The following DCDC1 variants were observed in gnomAD, a reference collection of about 807,000 sequenced individuals.
DCDC1 encodes the protein doublecortin domain containing 1.
DCDC1 carries 200 observed loss-of-function variants against 178.3 expected under a neutral mutation model. The ratio of observed to expected loss-of-function variants is 1.12; its 90% CI spans 1.00 to 1.26. The LOEUF (loss-of-function observed/expected upper bound fraction) is 1.26, where lower values mean the gene tolerates loss of function less well. Among genes scored for constraint, DCDC1 ranks in the 50% most tolerant of loss-of-function variants. DCDC1 has a pLI of 0.00. For missense variants in DCDC1, 1,983 were observed against 1,749.2 expected (o/e 1.13, Z -2.38); for synonymous variants, 690 against 604.8 (o/e 1.14, Z -2.07).
intron 9 of DCDC1, among the ~76,000 whole-genome samples, chr11:31,237,744 G>A (rs1976629838): frequency 6.6e-6 from 1 of 151,932 alleles, no homozygotes; most frequent in South Asian, 2.1e-4. Flanking sequence ...AAGAAATATT[G>A]GAGAATACTT....
chr11:31,189,068 C>G (rs1969837655), intron 9 of DCDC1, among the ~76,000 whole-genome samples: 7 of 152,160 alleles, frequency 4.6e-5, no homozygotes. Flanking sequence ...GTGCCTTCAT[C>G]TGGTACTTCT....
In DCDC1 at chr11:31,137,683, T is replaced by C. The variant is rs1963321104; in HGVS notation, c.1314+9A>G. The C allele has an allele frequency of 4.3e-6, 3 of 702,124 alleles. No individual in the cohort carries two copies. Among genetic ancestry groups the C allele is most frequent in the Non-Finnish European group, 7.8e-6 (3 of 384,652 alleles). 43.5% of individuals were successfully genotyped at this position (702,124 alleles called of 1,614,324 possible). A position where few individuals can be genotyped will look rare whatever the true frequency, so the allele number is the denominator to read the frequency against. ...TTTTAAAATACAGTTTACAAAGTAATTTCCTTACTTCTTCCTGTTCCTTAT... is the reference window on the plus strand; with the variant it reads ...TTTTAAAATACAGTTTACAAAGTAACTTCCTTACTTCTTCCTGTTCCTTAT... On this transcript the variant is annotated intron_variant, in intron 10 of 38. Coordinates refer to ENST00000684477, the MANE Select transcript of DCDC1 (RefSeq NM_001387274.1).
intron 9 of DCDC1, among the ~76,000 whole-genome samples, chr11:31,182,411 G>T (rs534700585): frequency 1.4e-4 from 21 of 152,298 alleles, no homozygotes; most frequent in Admixed American, 1.2e-3. Flanking sequence ...AGAAGAGATT[G>T]GGGGCAAATA....
At chr11:31,303,488 A>G (rs1231719171) in intron 6 of DCDC1, among the ~76,000 whole-genome samples, 1 of 152,106 alleles carries the variant, frequency 6.6e-6, no homozygotes, top group Non-Finnish European at 1.5e-5. Flanking sequence ...GCTAGTTGGA[A>G]AATTATCGAT....
intron 9 of DCDC1, among the ~76,000 whole-genome samples, chr11:31,213,471 C>T (rs916995010): frequency 6.6e-6 from 1 of 151,902 alleles, no homozygotes; most frequent in Non-Finnish European, 1.5e-5. Context: ...TCTGTAATCC[C>T]AGCACTTTGG....
At chr11:31,027,992 C>T (rs1428471304) in intron 20 of DCDC1, among the ~76,000 whole-genome samples, 2 of 151,666 alleles carry the variant, frequency 1.3e-5, no homozygotes, top group Non-Finnish European at 1.5e-5. Context: ...TTATTACACT[C>T]AAGATTTAGA....
intron 20 of DCDC1, among the ~76,000 whole-genome samples, chr11:30,989,798 T>C (rs1444718066): frequency 6.6e-6 from 1 of 152,226 alleles, no homozygotes; most frequent in African/African-American, 2.4e-5. Context: ...AGATGAATGC[T>C]GTGGGATGCC....
intron 20 of DCDC1, among the ~76,000 whole-genome samples, chr11:31,061,112 C>T (rs1166540667): frequency 6.6e-6 from 1 of 152,110 alleles, no homozygotes; most frequent in Non-Finnish European, 1.5e-5. Flanking sequence ...TCCAATGCAA[C>T]TAACACAGAT....
chr11:30,999,876 G>A (rs1412130817), intron 20 of DCDC1, among the ~76,000 whole-genome samples: 1 of 152,162 alleles, frequency 6.6e-6, no homozygotes, highest in Non-Finnish European at 1.5e-5. Flanking sequence ...CCATCTCACA[G>A]CATTGGTAAG....
chr11:31,230,575 C>G (rs542694700), intron 9 of DCDC1, among the ~76,000 whole-genome samples: 62 of 152,230 alleles, frequency 4.1e-4, no homozygotes, highest in African/African-American at 1.4e-3. Flanking sequence ...CAGCAACAGA[C>G]AAGACCAATC....
chr11:31,107,312 C>T (rs1362668280), intron 12 of DCDC1, among the ~76,000 whole-genome samples: 1 of 152,114 alleles, frequency 6.6e-6, no homozygotes, highest in Non-Finnish European at 1.5e-5. Context: ...CTTGTCTGAG[C>T]TACACATTTT....
At chr11:31,064,431 T>C (rs907407406) in intron 20 of DCDC1, 38 bp downstream of exon 20, 8 of 706,210 alleles carry the variant, frequency 1.1e-5, no homozygotes, top group Admixed American at 1.9e-5. Flanking sequence ...ATATCGAATG[T>C]CATTGAGCAA....
chr11:31,350,559 TAA>T (rs1951018889), intron 1 of DCDC1, among the ~76,000 whole-genome samples: 1 of 152,106 alleles, frequency 6.6e-6, no homozygotes. Context: ...ATCCTGATAC[TAA>T]GACATGTTAT....
chr11:31,153,785 A>AACACACAC (rs141063677), intron 9 of DCDC1, among the ~76,000 whole-genome samples: 22,511 of 132,474 alleles, frequency 0.17, 2,294 homozygotes, highest in East Asian at 0.42. Flanking sequence ...TCAGTCTTAA[A>AACACACAC]ACACACACAC....
At chr11:30,897,932 G>A (rs1224952898) in intron 34 of DCDC1, among the ~76,000 whole-genome samples, 1 of 152,110 alleles carries the variant, frequency 6.6e-6, no homozygotes, top group African/African-American at 2.4e-5. Flanking sequence ...GGAATGCTGA[G>A]GAAGGCTTCA....
chr11:31,285,904 AT>A lies in DCDC1; in HGVS notation c.960+4742del, dbSNP rs376091540. The stretch of plus-strand genomic sequence containing the variant: ...ACTTGTAGATGTTTTCTATTTCCCG[AT>A]TTCTGAACTCCCTACACTCATTCTA... On this transcript the variant is annotated intron_variant, in intron 7 of 38. Coordinates refer to ENST00000684477, the MANE Select transcript of DCDC1 (RefSeq NM_001387274.1). Among the ~76,000 whole-genome samples, 19 of 151,552 alleles carry A rather than the reference AT, an allele frequency of 1.3e-4. 1 individual carries two copies. The East Asian group carries it at 3.5e-3, about 28-fold the overall frequency.
chr11:30,888,876 T>G (rs1206618119), intron 36 of DCDC1, among the ~76,000 whole-genome samples: 1 of 152,238 alleles, frequency 6.6e-6, no homozygotes, highest in East Asian at 1.9e-4. Flanking sequence ...CACTGTTCTA[T>G]AATAATTGCT....
At chr11:30,911,459 G>T in intron 27 of DCDC1, 39 bp from the exon 28 acceptor site, 1 of 1,491,262 alleles carries the variant, frequency 6.7e-7, no homozygotes, top group South Asian at 1.2e-5. Flanking sequence ...AAAGTAGCAT[G>T]ACCAGATTAG....
chr11:31,043,376 G>A (rs1386414283), intron 20 of DCDC1, among the ~76,000 whole-genome samples: 1 of 152,172 alleles, frequency 6.6e-6, no homozygotes, highest in Admixed American at 6.5e-5. Context: ...CTGACATCAT[G>A]TTCCTTCTTC....
Sources: gnomAD v4.1 joint callset for allele counts (sites outside exome capture counted in the v4.1 genomes callset) on GRCh38, gnomAD v4.1.1 for gene constraint, MANE v1.5 for transcripts, NCBI Gene and HGNC (gene_info 2026-07-23, HGNC 2026-07-21) for gene names.